Variants in SCMH1 observed in about 807,000 individuals in gnomAD.
SCMH1 encodes the protein polycomb protein SCMH1.
A neutral mutation model predicts 70.8 loss-of-function variants in SCMH1; 37 were observed. The observed-to-expected ratio is 0.52, with a 90% CI of 0.40 to 0.69. The LOEUF is 0.69. Ranked by LOEUF, SCMH1 falls within the 30% of genes least tolerant of loss-of-function variation. The pLI is 0.00. For missense variants in SCMH1, 607 were observed against 827.3 expected (o/e 0.73, Z 3.27); for synonymous variants, 292 against 307.4 (o/e 0.95, Z 0.52).
intron 11 of SCMH1, chr1:41,046,805 G>T: frequency 1.8e-6 from 1 of 563,306 alleles, no homozygotes. Context: ...TGCAAATATG[G>T]GAGTGGCCAG....
chr1:41,108,338 C>G (rs1026561714), intron 8 of SCMH1, among the ~76,000 whole-genome samples: 2 of 152,106 alleles, frequency 1.3e-5, no homozygotes, highest in Non-Finnish European at 2.9e-5. Flanking sequence ...ACATAGGGAG[C>G]TAAGGTATAA....
At chr1:41,142,142 T>C (rs565078541) in intron 6 of SCMH1, among the ~76,000 whole-genome samples, 2 of 152,150 alleles carry the variant, frequency 1.3e-5, no homozygotes, top group Non-Finnish European at 2.9e-5. Flanking sequence ...TTTTTTTTAA[T>C]GGGGGAAAAC....
chr1:41,207,829 G>T (rs1655930054), intron 1 of SCMH1, among the ~76,000 whole-genome samples: 1 of 151,624 alleles, frequency 6.6e-6, no homozygotes, highest in African/African-American at 2.4e-5. Context: ...CTGTTGGTGG[G>T]ACTGTAAACT....
chr1:41,173,352 A>T (rs1349528797), intron 2 of SCMH1, among the ~76,000 whole-genome samples: 1 of 152,246 alleles, frequency 6.6e-6, no homozygotes, highest in African/African-American at 2.4e-5. Flanking sequence ...AATGGCTAAC[A>T]GGTATATGAA....
At chr1:41,042,093 G>A (rs1646252279) in intron 12 of SCMH1, among the ~76,000 whole-genome samples, 2 of 151,950 alleles carry the variant, frequency 1.3e-5, no homozygotes, top group South Asian at 4.2e-4. Context: ...ATCCTCCCTT[G>A]ACCTCTTCTT....
Position 41,240,846 on chromosome 1 carries a change from A to G in SCMH1, c.-118+1213T>C, listed in dbSNP as rs189882003. On this transcript the variant is annotated intron_variant, in intron 1 of 14. Transcript: ENST00000337495. ...AGGTCAATCCTTGGGGCTGTTTCTT[A>G]GAGAAACTTACTACGTTTTGTCTCC... 4.6e-5 allele frequency among the ~76,000 whole-genome samples: 7 copies of G among 151,778 alleles called. No individual in the cohort carries two copies. The East Asian group carries it at 1.4e-3, about 29-fold the overall frequency.
intron 12 of SCMH1, chr1:41,043,194 AG>A (rs1468964867): frequency 6.7e-6 from 1 of 150,318 alleles, no homozygotes; most frequent in Non-Finnish European, 1.5e-5. Context: ...CCTGGGTTCA[AG>A]CAATTCTCCT....
intron 8 of SCMH1, among the ~76,000 whole-genome samples, chr1:41,089,660 T>A (rs1446218515): frequency 6.6e-6 from 1 of 152,136 alleles, no homozygotes; most frequent in Non-Finnish European, 1.5e-5. Flanking sequence ...GCTTCCCCTT[T>A]CACTCAGAAC....
chr1:41,241,526 C>T (rs1469960091), intron 1 of SCMH1, among the ~76,000 whole-genome samples: 1 of 152,016 alleles, frequency 6.6e-6, no homozygotes, highest in African/African-American at 2.4e-5. Flanking sequence ...CCCCGTCGAC[C>T]TCTGTCTCTG....
At chr1:41,173,317 A>G (rs187511578) in intron 2 of SCMH1, among the ~76,000 whole-genome samples, 151 of 152,248 alleles carry the variant, frequency 9.9e-4, no homozygotes, top group African/African-American at 3.4e-3. Flanking sequence ...GAGCTGAATA[A>G]GTATCTCTCA....
At chr1:41,226,289 A>G (rs1346008645) in intron 1 of SCMH1, among the ~76,000 whole-genome samples, 1 of 152,200 alleles carries the variant, frequency 6.6e-6, no homozygotes, top group Non-Finnish European at 1.5e-5. Flanking sequence ...ACCACATATC[A>G]TTTAAGGGAT....
chr1:41,151,337 T>C (rs555475557), intron 5 of SCMH1, among the ~76,000 whole-genome samples: 1 of 152,340 alleles, frequency 6.6e-6, no homozygotes, highest in East Asian at 1.9e-4. Flanking sequence ...TTAAGAGCTC[T>C]AGTAAAAATT....
intron 13 of SCMH1, among the ~76,000 whole-genome samples, chr1:41,031,007 A>G (rs1239099468): frequency 1.3e-5 from 2 of 152,180 alleles, no homozygotes; most frequent in Non-Finnish European, 1.5e-5. Context: ...ACACCTGTAC[A>G]CTGAGTGCAG....
intron 8 of SCMH1, among the ~76,000 whole-genome samples, chr1:41,086,715 T>C (rs147813328): frequency 1.0e-3 from 157 of 152,126 alleles, no homozygotes; most frequent in Non-Finnish European, 1.8e-3. Context: ...GACCAGCCTA[T>C]GCAACATAGC....
At chr1:41,184,264 AT>A (rs766972610) in intron 2 of SCMH1, among the ~76,000 whole-genome samples, 1 of 152,178 alleles carries the variant, frequency 6.6e-6, no homozygotes, top group Non-Finnish European at 1.5e-5. Flanking sequence ...ATTTTCATAT[AT>A]TCCATCTCAG....
intron 8 of SCMH1, among the ~76,000 whole-genome samples, chr1:41,089,785 C>CTATTTTTTTTTTTTTTTTTTTTTT: frequency 2.7e-5 from 1 of 37,320 alleles, no homozygotes; most frequent in Non-Finnish European, 4.7e-5. Flanking sequence ...ACCATGTTGT[C>CTATTTTTTTTTTTTTTTTTTTTTT]TCTTTTTTTT....
chr1:41,079,588 T>C lies in SCMH1; in HGVS notation c.746-4137A>G, dbSNP rs750429256. Among the ~76,000 whole-genome samples the C allele has an allele frequency of 3.9e-5, 6 of 152,242 alleles. No homozygotes were observed. The South Asian group carries it at 6.2e-4, about 16-fold the overall frequency. On this transcript the variant is annotated intron_variant, in intron 8 of 14. Transcript: ENST00000337495. ...AATTTCATCATAGATCCATCAGACA[T>C]TGGGTAGAGAACAGGACAGTATGAA...
intron 8 of SCMH1, among the ~76,000 whole-genome samples, chr1:41,105,269 T>C (rs1411552140): frequency 6.6e-6 from 1 of 152,188 alleles, no homozygotes. Flanking sequence ...TGGCCTTAAA[T>C]AGCTTTTAAT....
chr1:41,233,579 G>A (rs1661729492), intron 1 of SCMH1, among the ~76,000 whole-genome samples: 1 of 151,876 alleles, frequency 6.6e-6, no homozygotes, highest in Admixed American at 6.6e-5. Context: ...ATAATCACTG[G>A]CCCACAGAAC....
Sources: gnomAD v4.1 joint callset for allele counts (sites outside exome capture counted in the v4.1 genomes callset) on GRCh38, gnomAD v4.1.1 for gene constraint, MANE v1.5 for transcripts, NCBI Gene and HGNC (gene_info 2026-07-23, HGNC 2026-07-21) for gene names.